The following TTC7A variants were observed in gnomAD, a reference collection of about 807,000 sequenced individuals.
TTC7A encodes tetratricopeptide repeat protein 7A.
TTC7A carries 110 observed loss-of-function variants against 103.7 expected under a neutral mutation model. The ratio of observed to expected loss-of-function variants is 1.06; its 90% confidence interval spans 0.91 to 1.24. The LOEUF is 1.24. Ranked by LOEUF, TTC7A falls within the 50% of genes most tolerant of loss-of-function variation. TTC7A has a pLI of 0.00. For synonymous variants in TTC7A, 521 were observed against 467.9 expected, an observed-to-expected ratio of 1.11 and a Z score of -1.47; for missense variants, 1,340 against 1,116.3, an observed-to-expected ratio of 1.20 and a Z score of -2.86.
chr2:47,024,586 G>A lies in TTC7A; in HGVS notation c.1641+227G>A, dbSNP rs72806599. Among the ~76,000 whole-genome samples, 25,249 of 151,938 alleles carry A rather than the reference G, an allele frequency of 0.17. 2,202 individuals are homozygous for A. Among genetic ancestry groups the A allele is most frequent in the African/African-American group, 0.22 (9,199 of 41,402 alleles). The stretch of plus-strand genomic sequence containing the variant: ...GGTACACAGGAAGGGCGTGTTCTCC[G>A]CCCTCACTCCCCCTACAACATTTCA... On this transcript the variant is annotated intron_variant, in intron 14 of 19. Transcript: ENST00000319190.
chr2:47,034,115 C>T (rs991080803), intron 15 of TTC7A: 3 of 152,224 alleles, frequency 2.0e-5, no homozygotes, highest in South Asian at 2.1e-4. Context: ...AGGCAAAAAA[C>T]GTGATGAGGC....
chr2:47,006,918 A>G (rs1353367682), intron 10 of TTC7A, among the ~76,000 whole-genome samples, 194 bp downstream of exon 10: 1 of 152,070 alleles, frequency 6.6e-6, no homozygotes, highest in Non-Finnish European at 1.5e-5. Context: ...GCGAGCTGTG[A>G]GTGTGCCGGT....
chr2:47,018,831 A>T (rs1343209830), intron 11 of TTC7A, among the ~76,000 whole-genome samples: 1 of 152,116 alleles, frequency 6.6e-6, no homozygotes, highest in Non-Finnish European at 1.5e-5. Flanking sequence ...TTTACAGAAG[A>T]GAGAAGGAAG....
At chr2:46,947,161 T>G (rs1198228916) in intron 1 of TTC7A, among the ~76,000 whole-genome samples, 1 of 152,320 alleles carries the variant, frequency 6.6e-6, no homozygotes, top group African/African-American at 2.4e-5. Flanking sequence ...TGTGCATGGG[T>G]TGCAGGAGAG....
Position 47,024,165 on chromosome 2 carries a change from G to A in TTC7A, c.1569-122G>A, listed in dbSNP as rs1679614229. 2.2e-5 allele frequency: 18 copies of A among 834,044 alleles called. No homozygotes were observed. The South Asian group carries it at 4.0e-4, about 18-fold the overall frequency. The allele number at this position is 834,044 out of a possible 1,614,324, so 51.7% of individuals were successfully genotyped here. ...GGATGCCCCTCTGAGGCAGAGCCTG[G>A]CAGAATCCCCCAGGGTATTGCCTCA... is the stretch of plus-strand genomic sequence containing the variant. On this transcript the variant is annotated intron_variant, in intron 13 of 19. Coordinates refer to ENST00000319190, the MANE Select transcript of TTC7A (RefSeq NM_020458.4).
chr2:47,007,540 C>T lies in TTC7A; in HGVS notation c.1287+816C>T, dbSNP rs896820280. ...TGGGGCTGAGGGAATTCCTCGCCCC[C>T]CTGGCCCATCTGTGCCACGTTCCAT... On this transcript the variant is annotated intron_variant, in intron 10 of 19. Coordinates refer to ENST00000319190, the MANE Select transcript of TTC7A (RefSeq NM_020458.4). This position sits in a 1 kb window ranked among gnomAD's most constrained non-coding sequence, Gnocchi z 4.9. Among the ~76,000 whole-genome samples the T allele has an allele frequency of 6.6e-6, 1 of 152,188 alleles. No homozygotes were observed.
In TTC7A at chr2:47,009,651, G is replaced by A. The variant is rs559147735; in HGVS notation, c.1288-1680G>A. ...GTTGCTCATACCCTGCTGTAGACAGGCGAGCCTTCCAGAGCCTCCGTTTCC... is the reference window on the plus strand; with the variant it reads ...GTTGCTCATACCCTGCTGTAGACAGACGAGCCTTCCAGAGCCTCCGTTTCC... On this transcript the variant is annotated intron_variant, in intron 10 of 19. Coordinates refer to ENST00000319190, the MANE Select transcript of TTC7A (RefSeq NM_020458.4). Among the ~76,000 whole-genome samples the A allele has an allele frequency of 2.8e-3, 432 of 152,206 alleles. 1 individual carries two copies. The highest frequency in any genetic ancestry group is 0.01 in the African/African-American group (419 of 41,522).
At chr2:46,941,013 G>A (rs1349918082), upstream of TTC7A, among the ~76,000 whole-genome samples, 1 of 151,898 alleles carries the variant, frequency 6.6e-6, no homozygotes, top group East Asian at 1.9e-4. This position sits in a 1 kb window ranked among gnomAD's most constrained non-coding sequence, Gnocchi z 4.2. Context: ...GCTCCGCGCG[G>A]GATTAAAGTG....
chr2:47,043,111 G>A (rs1482209613), intron 15 of TTC7A, among the ~76,000 whole-genome samples: 1 of 152,248 alleles, frequency 6.6e-6, no homozygotes, highest in Non-Finnish European at 1.5e-5. Context: ...TTGATAGGTG[G>A]GTGAGGAGAA....
intron 5 of TTC7A, among the ~76,000 whole-genome samples, chr2:46,991,526 C>A (rs1461307740): frequency 6.6e-6 from 1 of 152,038 alleles, no homozygotes; most frequent in Non-Finnish European, 1.5e-5. Flanking sequence ...TAGTGACACA[C>A]AATGTGGTTT....
At chr2:46,930,470 G>A (rs1466608920) in intron 2 of TTC7A, among the ~76,000 whole-genome samples, 3 of 141,694 alleles carry the variant, frequency 2.1e-5, no homozygotes, top group African/African-American at 5.1e-5. Flanking sequence ...ATTGACCAAA[G>A]AAGAAATGGA....
At chr2:47,064,979 G>A (rs965061117) in intron 19 of TTC7A, among the ~76,000 whole-genome samples, 3 of 152,208 alleles carry the variant, frequency 2.0e-5, no homozygotes, top group African/African-American at 4.8e-5. Flanking sequence ...CAGGGAAAAC[G>A]AGAAAAGCTT....
upstream of TTC7A, among the ~76,000 whole-genome samples, chr2:46,938,441 T>G (rs1670087304): frequency 3.3e-5 from 5 of 152,144 alleles, no homozygotes. Context: ...CCTCGGACCT[T>G]CAACCGAGGG....
chr2:47,008,837 G>C (rs981089910), intron 10 of TTC7A, among the ~76,000 whole-genome samples: 6 of 152,090 alleles, frequency 3.9e-5, no homozygotes, highest in Non-Finnish European at 8.8e-5. Context: ...ACATGATTTA[G>C]GTCGTTCCTT....
chr2:46,990,832 G>T (rs930766235), intron 5 of TTC7A, among the ~76,000 whole-genome samples: 1 of 152,162 alleles, frequency 6.6e-6, no homozygotes, highest in Non-Finnish European at 1.5e-5. Context: ...CCCTAAACCA[G>T]TGGTTCTCGA....
At chr2:46,992,259 G>A (rs56186415) in intron 5 of TTC7A, among the ~76,000 whole-genome samples, 25,001 of 152,200 alleles carry the variant, frequency 0.16, 2,266 homozygotes, top group Admixed American at 0.19. Flanking sequence ...ACACGGGAGC[G>A]ATGCGCCTGG....
At chr2:47,049,615 C>G (rs1192603027) in intron 16 of TTC7A, among the ~76,000 whole-genome samples, 4 of 152,190 alleles carry the variant, frequency 2.6e-5, no homozygotes, top group Admixed American at 6.5e-5. Flanking sequence ...GTCCACAGTC[C>G]CCACTCTCTG....
intron 15 of TTC7A, among the ~76,000 whole-genome samples, chr2:47,032,274 T>A (rs756616009): frequency 3.3e-4 from 51 of 152,276 alleles, no homozygotes; most frequent in Non-Finnish European, 6.6e-4. Flanking sequence ...CAGCAGATTC[T>A]CAAAGGGAGC....
intron 15 of TTC7A, among the ~76,000 whole-genome samples, chr2:47,030,570 A>G (rs1027390423): frequency 6.6e-6 from 1 of 152,204 alleles, no homozygotes; most frequent in African/African-American, 2.4e-5. Context: ...TATAAACCCC[A>G]TAATGTGCCT....
Sources: allele counts gnomAD v4.1 joint callset (sites outside exome capture counted in the v4.1 genomes callset), GRCh38; gene constraint gnomAD v4.1.1; non-coding constraint Gnocchi (gnomAD v3.1); transcripts MANE v1.5; gene names NCBI Gene and HGNC (gene_info 2026-07-23, HGNC 2026-07-21).